SLCO1B3: variants seen among roughly 807,000 people sequenced by gnomAD.
The protein encoded by SLCO1B3 is liver-specific organic anion transporter 2.
Under a neutral mutation model 71.8 loss-of-function variants are expected in SLCO1B3, and 72 were observed. The ratio of observed to expected loss-of-function variants is 1.00; its 90% CI spans 0.83 to 1.22. The LOEUF is 1.22. Ranked by LOEUF, SLCO1B3 falls within the 50% of genes most tolerant of loss-of-function variation. SLCO1B3 has a pLI of 0.00. For missense variants in SLCO1B3, 911 were observed against 819.7 expected (o/e 1.11, Z -1.36); for synonymous variants, 298 against 278.4 (o/e 1.07, Z -0.70).
At chr12:20,816,183 A>AAG (rs1345593545) in intron 3 of SLCO1B3, among the ~76,000 whole-genome samples, 2 of 152,216 alleles carry the variant, frequency 1.3e-5, no homozygotes, top group Admixed American at 6.5e-5. Context: ...CCATTTCCTC[A>AAG]AGCATTTTTT....
At chr12:20,869,911 C>T (rs985512183) in intron 8 of SLCO1B3, among the ~76,000 whole-genome samples, 1 of 152,100 alleles carries the variant, frequency 6.6e-6, no homozygotes, top group Non-Finnish European at 1.5e-5. Flanking sequence ...AAACTTCATA[C>T]TATTTTTTTA....
chr12:20,876,116 C>A (rs1006983328), intron 9 of SLCO1B3, among the ~76,000 whole-genome samples: 2 of 151,124 alleles, frequency 1.3e-5, no homozygotes, highest in African/African-American at 4.9e-5. Context: ...CATATATAAT[C>A]TTACCTAAGT....
chr12:20,841,079 AT>A (rs201765407), intron 3 of SLCO1B3, among the ~76,000 whole-genome samples: 38 of 150,456 alleles, frequency 2.5e-4, no homozygotes, highest in African/African-American at 8.8e-4. Context: ...ATTATAGTAC[AT>A]TTTTTTTTCT....
chr12:20,872,416 T>C (rs915165222), intron 8 of SLCO1B3, among the ~76,000 whole-genome samples: 4 of 151,864 alleles, frequency 2.6e-5, no homozygotes, highest in Admixed American at 1.3e-4. Context: ...TTCTTGTTGC[T>C]CTGTTCTACT....
At chr12:20,857,914 A>G (rs1865174445) in intron 4 of SLCO1B3, among the ~76,000 whole-genome samples, 1 of 152,106 alleles carries the variant, frequency 6.6e-6, no homozygotes, top group Non-Finnish European at 1.5e-5. Flanking sequence ...GGAAACTTTC[A>G]CAAAGCCCCT....
At chr12:20,896,703 G>A (rs1002993631) in intron 13 of SLCO1B3, among the ~76,000 whole-genome samples, 16 of 152,164 alleles carry the variant, frequency 1.1e-4, no homozygotes, top group African/African-American at 3.9e-4. Flanking sequence ...CCAGTTCCAA[G>A]GTCACTTCCA....
intron 15 of SLCO1B3, among the ~76,000 whole-genome samples, chr12:20,911,072 G>A (rs1446895801): frequency 1.3e-5 from 2 of 151,884 alleles, no homozygotes; most frequent in African/African-American, 4.8e-5. Context: ...AGTAAAAAAT[G>A]TGTAGAATTT....
intron 15 of SLCO1B3, among the ~76,000 whole-genome samples, chr12:20,908,966 G>C (rs1866310889): frequency 1.3e-5 from 2 of 152,082 alleles, no homozygotes; most frequent in Non-Finnish European, 2.9e-5. Context: ...TTGTCAGACT[G>C]GCTTCAAAAG....
intron 13 of SLCO1B3, among the ~76,000 whole-genome samples, chr12:20,897,928 GAC>G (rs1866047620): frequency 6.6e-6 from 1 of 152,126 alleles, no homozygotes; most frequent in Non-Finnish European, 1.5e-5. Flanking sequence ...AAATACATTA[GAC>G]ACTAGAATAC....
At chr12:20,822,123 A>G (rs1002219317) in intron 3 of SLCO1B3, among the ~76,000 whole-genome samples, 1 of 152,192 alleles carries the variant, frequency 6.6e-6, no homozygotes, top group Non-Finnish European at 1.5e-5. Flanking sequence ...CGGAGCAAAG[A>G]GCAGGAGGAC....
In SLCO1B3 at chr12:20,896,809, C is replaced by T. The variant is rs192977458; in HGVS notation, c.1683-1627C>T. ...GCTGCTGATAAAGACATACCTGAGACTGGGCGATTTACAAAAGAAAGAGGT... is the reference window on the plus strand; with the variant it reads ...GCTGCTGATAAAGACATACCTGAGATTGGGCGATTTACAAAAGAAAGAGGT... On this transcript the variant is annotated intron_variant, in intron 13 of 15. Transcript: ENST00000381545. 3.9e-5 allele frequency among the ~76,000 whole-genome samples: 6 copies of T among 152,276 alleles called. No individual in the cohort carries two copies. The East Asian group carries it at 1.2e-3, about 29-fold the overall frequency.
chr12:20,814,976 C>CT (rs1297703814), intron 2 of SLCO1B3, among the ~76,000 whole-genome samples: 43 of 117,100 alleles, frequency 3.7e-4, no homozygotes, highest in Non-Finnish European at 3.6e-4. Flanking sequence ...CTTTTCTTTT[C>CT]TTTTCTTTTT....
intron 8 of SLCO1B3, 67 bp downstream of exon 8, chr12:20,862,921 A>G (rs953581944): frequency 2.2e-5 from 18 of 816,978 alleles, no homozygotes; most frequent in Admixed American, 8.9e-5. Context: ...TCTTCCAAAG[A>G]ATTAAATTCA....
intron 3 of SLCO1B3, among the ~76,000 whole-genome samples, chr12:20,825,065 C>G (rs1309030465): frequency 6.6e-6 from 1 of 152,082 alleles, no homozygotes. Context: ...TCTCTCAAAT[C>G]TTATAAACAA....
At position 20,869,095 on chromosome 12, in the gene SLCO1B3, T is replaced by C. The variant is rs377337469; in HGVS notation, c.728-6140T>C. Among the ~76,000 whole-genome samples, 133 of 152,150 alleles carry C rather than the reference T, an allele frequency of 8.7e-4. 2 individuals carry two copies. In the South Asian group the frequency reaches 0.025, roughly 29 times the overall value. The stretch of plus-strand genomic sequence containing the variant: ...TAACTGCGGGCAAGCCTGACTAATA[T>C]CACAAGAGGTGGAGGAGCAGAGTCT... On this transcript the variant is annotated intron_variant, in intron 8 of 15. Transcript: ENST00000381545.
At chr12:20,849,816 AGCATCTCAAAAAT>A (rs1864988966) in intron 3 of SLCO1B3, among the ~76,000 whole-genome samples, 1 of 152,026 alleles carries the variant, frequency 6.6e-6, no homozygotes, top group African/African-American at 2.4e-5. Context: ...CATTTATCAT[AGCATCTCAAAAAT>A]ATATATAGGA....
Position 20,879,591 on chromosome 12 carries a change from G to A in SLCO1B3, c.1291G>A (p.Glu431Lys), listed in dbSNP as rs141602442. The A allele has an allele frequency of 5.9e-5, 95 of 1,612,268 alleles. No homozygotes were observed. Among genetic ancestry groups the A allele is most frequent in the Admixed American group, 1.7e-4 (10 of 59,724 alleles). Residue 431 changes from glutamate (E) to lysine (K), a missense_variant, in exon 11 of 16, where the codon GAA (glutamate) becomes AAA (lysine). Transcript: ENST00000381545. The stretch of plus-strand genomic sequence containing the variant: ...ACTTCTATATTTCCCTCTAATCTGC[G>A]AAAGCAAATCAGTTGCCGGCCTAAC... ...FQLLYFPLIC[E>K]SKSVAGLTLT...
chr12:20,853,949 T>A (rs1865076897), intron 3 of SLCO1B3, among the ~76,000 whole-genome samples: 1 of 152,008 alleles, frequency 6.6e-6, no homozygotes, highest in African/African-American at 2.4e-5. Context: ...TTAATTCTTG[T>A]TATTCCTCCT....
chr12:20,819,960 A>C (rs991910254), intron 3 of SLCO1B3, among the ~76,000 whole-genome samples: 2 of 152,100 alleles, frequency 1.3e-5, no homozygotes, highest in Non-Finnish European at 2.9e-5. Flanking sequence ...GGAAGCAGAT[A>C]ATTTGGTTAA....
Sources: gnomAD v4.1 joint callset for allele counts (sites outside exome capture counted in the v4.1 genomes callset) on GRCh38, gnomAD v4.1.1 for gene constraint, MANE v1.5 for transcripts, NCBI Gene and HGNC (gene_info 2026-07-23, HGNC 2026-07-21) for gene names.